SEC24A: variants seen among roughly 807,000 people sequenced by gnomAD.
SEC24A encodes the protein SEC24 homolog A, COPII component.
In SEC24A, 93 loss-of-function variants were observed where a neutral mutation model predicts 129.4. The ratio of observed to expected loss-of-function variants is 0.72; its 90% CI spans 0.61 to 0.85. The LOEUF (loss-of-function observed/expected upper bound fraction) is 0.85, where lower values mean the gene tolerates loss of function less well. Ranked by LOEUF, SEC24A falls within the 40% of genes least tolerant of loss-of-function variation. SEC24A has a pLI of 0.00. For missense variants in SEC24A, 1,264 were observed against 1,307.4 expected (o/e 0.97, Z 0.51); for synonymous variants, 460 against 467.3 (o/e 0.98, Z 0.20).
At chr5:134,692,947 G>A (rs1313751751) in intron 12 of SEC24A, 2 of 1,125,812 alleles carry the variant, frequency 1.8e-6, no homozygotes, top group East Asian at 2.6e-5. Flanking sequence ...AGTTGGGAGG[G>A]TTGCTGAGAT....
intron 11 of SEC24A, among the ~76,000 whole-genome samples, chr5:134,688,617 G>A (rs1751529832): frequency 6.6e-6 from 1 of 152,086 alleles, no homozygotes; most frequent in Non-Finnish European, 1.5e-5. Context: ...ATAGAGCAAG[G>A]AAATAGAATT....
intron 7 of SEC24A, among the ~76,000 whole-genome samples, chr5:134,678,083 A>G (rs1751131504): frequency 6.6e-6 from 1 of 152,100 alleles, no homozygotes; most frequent in South Asian, 2.1e-4. Flanking sequence ...GTGCAGTTCC[A>G]TGATCATAGC....
rs1161768613 is a variant in SEC24A at position 134,727,689 on chromosome 5, C to T, written c.*2595C>T. ...AATATTGTAATATTAAATTCTTGTT[C>T]TTAAATTCAAATATGTATTGATCTT... On this transcript the variant is annotated 3_prime_UTR_variant, in exon 23 of 23. Transcript: ENST00000398844. 3 of 152,108 alleles carry T rather than the reference C, an allele frequency of 2.0e-5. No individual in the cohort carries two copies. The East Asian group carries it at 5.8e-4, about 29-fold the overall frequency. The allele number at this position is 152,108 out of a possible 1,614,324, so 9.4% of individuals were successfully genotyped here.
At chr5:134,722,149 A>C (rs1306607281) in intron 21 of SEC24A, among the ~76,000 whole-genome samples, 8 of 152,174 alleles carry the variant, frequency 5.3e-5, no homozygotes, top group Non-Finnish European at 1.2e-4. Context: ...TTATTGGAAC[A>C]TCCATGCCTG....
intron 18 of SEC24A, among the ~76,000 whole-genome samples, chr5:134,709,674 G>A (rs1752263734): frequency 6.6e-6 from 1 of 152,156 alleles, no homozygotes; most frequent in South Asian, 2.1e-4. Context: ...GGAGGAATAA[G>A]TGATAACTAT....
chr5:134,695,754 G>A (rs1359782043), intron 13 of SEC24A, among the ~76,000 whole-genome samples: 2 of 151,910 alleles, frequency 1.3e-5, no homozygotes, highest in Non-Finnish European at 2.9e-5. Flanking sequence ...ACTCCAGCCT[G>A]AGCGACAGAG....
chr5:134,654,360 T>TA (rs950472197), intron 1 of SEC24A, among the ~76,000 whole-genome samples: 5 of 151,824 alleles, frequency 3.3e-5, no homozygotes, highest in South Asian at 4.1e-4. Flanking sequence ...TAGCTGGGAC[T>TA]ACAGGCGTGC....
At chr5:134,677,560 A>G (rs1442410089) in intron 7 of SEC24A, among the ~76,000 whole-genome samples, 2 of 150,450 alleles carry the variant, frequency 1.3e-5, no homozygotes, top group African/African-American at 2.4e-5. Flanking sequence ...AATAAAGGCC[A>G]GGTGCAGTGG....
intron 21 of SEC24A, among the ~76,000 whole-genome samples, chr5:134,722,882 G>C (rs564978272): frequency 6.6e-6 from 1 of 152,254 alleles, no homozygotes; most frequent in South Asian, 2.1e-4. Flanking sequence ...GACCAGGCAT[G>C]GTGGCTCACA....
intron 13 of SEC24A, 57 bp downstream of exon 13, chr5:134,693,990 C>T: frequency 7.1e-7 from 1 of 1,416,696 alleles, no homozygotes. Flanking sequence ...TCCCTGTGAC[C>T]ATAGAACTTG....
intron 4 of SEC24A, among the ~76,000 whole-genome samples, chr5:134,672,891 A>G (rs575446903): frequency 2.6e-5 from 4 of 151,602 alleles, no homozygotes; most frequent in Non-Finnish European, 4.4e-5. Flanking sequence ...ATATGGTACC[A>G]TGCCAGGCTA....
intron 15 of SEC24A, among the ~76,000 whole-genome samples, chr5:134,702,532 T>G (rs1752034890): frequency 6.6e-6 from 1 of 152,206 alleles, no homozygotes; most frequent in Non-Finnish European, 1.5e-5. Flanking sequence ...ATATATCACT[T>G]GGTATATACC....
intron 10 of SEC24A, among the ~76,000 whole-genome samples, chr5:134,687,609 C>G (rs1023187728): frequency 4.6e-5 from 7 of 152,166 alleles, no homozygotes; most frequent in African/African-American, 1.7e-4. Context: ...GTGAAAAGCT[C>G]ATTCTTGTTC....
intron 13 of SEC24A, among the ~76,000 whole-genome samples, chr5:134,696,433 A>G (rs954362997): frequency 6.6e-6 from 1 of 152,094 alleles, no homozygotes; most frequent in African/African-American, 2.4e-5. Context: ...CAACTATGAA[A>G]TTATTATAGT....
At chr5:134,719,676 A>G (rs1255666740) in intron 20 of SEC24A, among the ~76,000 whole-genome samples, 2 of 151,960 alleles carry the variant, frequency 1.3e-5, no homozygotes. Flanking sequence ...CAGCAGAACA[A>G]GGCCCTGTCT....
intron 19 of SEC24A, among the ~76,000 whole-genome samples, chr5:134,717,067 C>T (rs1014711272): frequency 2.0e-5 from 3 of 150,844 alleles, no homozygotes; most frequent in Non-Finnish European, 3.0e-5. Context: ...TTAGTAAAGA[C>T]GGTGTTTCAC....
intron 1 of SEC24A, among the ~76,000 whole-genome samples, chr5:134,654,938 A>C (rs1750188840): frequency 6.6e-6 from 1 of 151,808 alleles, no homozygotes. Context: ...GCTGGTCTCG[A>C]ACTCCTGACC....
In SEC24A at chr5:134,715,104, T is replaced by A. The variant is rs1752439166; in HGVS notation, c.2808T>A (p.Val936=). ...AMCQVKNQPL[V]YLMLTTHPSL... is the part of the protein sequence containing the mutation. ...GTCAAGTGAAAAACCAGCCCTTGGT[T>A]TACCTTATGCTCACAACTCATCCCA... Residue 936 remains valine, a synonymous_variant, in exon 19 of 23, where the codon GTT becomes GTA. Coordinates refer to ENST00000398844, the MANE Select transcript of SEC24A (RefSeq NM_021982.3). 3.1e-6 allele frequency: 5 copies of A among 1,612,278 alleles called. No homozygotes were observed. Among genetic ancestry groups the A allele is most frequent in the Non-Finnish European group, 4.2e-6 (5 of 1,179,554 alleles).
chr5:134,686,341 C>T (rs888033369), intron 9 of SEC24A, among the ~76,000 whole-genome samples: 13 of 151,756 alleles, frequency 8.6e-5, no homozygotes, highest in African/African-American at 2.9e-4. Context: ...TTCAAGTGAT[C>T]CTCCTGCCTC....
Sources: allele counts gnomAD v4.1 joint callset (sites outside exome capture counted in the v4.1 genomes callset), GRCh38; gene constraint gnomAD v4.1.1; transcripts MANE v1.5; gene names NCBI Gene and HGNC (gene_info 2026-07-23, HGNC 2026-07-21).